Variants in SLC24A2 observed in about 807,000 individuals in gnomAD.
SLC24A2 encodes the protein sodium/potassium/calcium exchanger 2.
Under a neutral mutation model 62.0 loss-of-function variants are expected in SLC24A2, and 36 were observed. That is an observed-to-expected ratio of 0.58 (90% confidence interval 0.44 to 0.77). SLC24A2 has a LOEUF of 0.77. SLC24A2 is among the 30% of genes least tolerant of loss of function. The pLI is 0.00. For missense variants in SLC24A2, 846 were observed against 817.9 expected, an observed-to-expected ratio of 1.03 and a Z score of -0.42; for synonymous variants, 358 against 294.0, an observed-to-expected ratio of 1.22 and a Z score of -2.23.
At chr9:19,785,291 G>A (rs991337384) in intron 2 of SLC24A2, among the ~76,000 whole-genome samples, 1 of 152,156 alleles carries the variant, frequency 6.6e-6, no homozygotes, top group African/African-American at 2.4e-5. Flanking sequence ...GTTTATTATG[G>A]TGTGCAAAGT....
At chr9:19,936,370 C>T in the SLC24A2 span, among the ~76,000 whole-genome samples, 2 of 152,176 alleles carry the variant, frequency 1.3e-5, no homozygotes. Context: ...ACCTCCCAGG[C>T]TCAAGCCATC....
At chr9:19,712,040 T>A (rs1429260905) in intron 2 of SLC24A2, among the ~76,000 whole-genome samples, 2 of 152,122 alleles carry the variant, frequency 1.3e-5, no homozygotes, top group African/African-American at 4.8e-5. Context: ...CAGTTTTCTG[T>A]GCCCCTGAAC....
the SLC24A2 span, among the ~76,000 whole-genome samples, chr9:20,010,882 A>G: frequency 6.6e-6 from 1 of 150,570 alleles, no homozygotes; most frequent in Non-Finnish European, 1.5e-5. Flanking sequence ...TCCTTGTGAT[A>G]GTTTGCTGAG....
At chr9:19,836,928 G>A in the SLC24A2 span, among the ~76,000 whole-genome samples, 1 of 152,152 alleles carries the variant, frequency 6.6e-6, no homozygotes, top group Admixed American at 6.5e-5. Context: ...TTCAACATAT[G>A]AAAATCAATA....
intron 2 of SLC24A2, among the ~76,000 whole-genome samples, chr9:19,745,619 G>T (rs1821810806): frequency 6.6e-6 from 1 of 152,152 alleles, no homozygotes; most frequent in Non-Finnish European, 1.5e-5. Context: ...CTACCTGTGA[G>T]TGTACCTGTT....
chr9:20,055,280 T>A, the SLC24A2 span, among the ~76,000 whole-genome samples: 25 of 152,154 alleles, frequency 1.6e-4, no homozygotes, highest in Non-Finnish European at 2.9e-4. Flanking sequence ...CATTAGGTAA[T>A]TCACAAAATT....
chr9:19,700,995 T>C (rs76875716), intron 2 of SLC24A2, among the ~76,000 whole-genome samples: 2,896 of 152,320 alleles, frequency 0.019, 36 homozygotes, highest in Admixed American at 0.038. Context: ...GTTCATTCTG[T>C]ATACCCAAAC....
the SLC24A2 span, among the ~76,000 whole-genome samples, chr9:20,001,850 C>G: frequency 1.3e-5 from 2 of 152,300 alleles, no homozygotes; most frequent in South Asian, 4.1e-4. Context: ...TAGTAGAGTG[C>G]TATCTCCCAA....
At chr9:19,735,498 C>T (rs549677083) in intron 2 of SLC24A2, among the ~76,000 whole-genome samples, 2 of 152,090 alleles carry the variant, frequency 1.3e-5, no homozygotes, top group African/African-American at 4.8e-5. Context: ...CCAGCCATCC[C>T]ATTACTGGGT....
chr9:19,726,931 G>T (rs1333054927), intron 2 of SLC24A2, among the ~76,000 whole-genome samples: 1 of 152,130 alleles, frequency 6.6e-6, no homozygotes, highest in East Asian at 1.9e-4. Flanking sequence ...CAGAAAGATG[G>T]TATTTTATTT....
At chr9:19,894,135 G>C in the SLC24A2 span, among the ~76,000 whole-genome samples, 2 of 152,220 alleles carry the variant, frequency 1.3e-5, no homozygotes, top group African/African-American at 4.8e-5. Context: ...GAAAAGGGAT[G>C]TTGAAAGACA....
At chr9:19,701,477 C>A (rs1820354784) in intron 2 of SLC24A2, among the ~76,000 whole-genome samples, 1 of 152,164 alleles carries the variant, frequency 6.6e-6, no homozygotes, top group South Asian at 2.1e-4. Flanking sequence ...GAACTCTGAG[C>A]TGTGTTGTAT....
At chr9:20,016,024 A>G in the SLC24A2 span, among the ~76,000 whole-genome samples, 1 of 152,222 alleles carries the variant, frequency 6.6e-6, no homozygotes, top group Non-Finnish European at 1.5e-5. Context: ...TGTAATAACA[A>G]ATTTTAAAGT....
the SLC24A2 span, among the ~76,000 whole-genome samples, chr9:20,272,021 G>A: frequency 6.6e-6 from 1 of 152,054 alleles, no homozygotes; most frequent in Admixed American, 6.6e-5. Flanking sequence ...AAGAACTTGG[G>A]GCTACTTCTC....
rs973394069 is a variant in SLC24A2, at chr9:19,706,236, T to C, written c.930+79701A>G. 2.5e-4 allele frequency among the ~76,000 whole-genome samples: 38 copies of C among 151,912 alleles called. 1 individual carries two copies. The highest frequency in any genetic ancestry group is 4.6e-4 in the Admixed American group (7 of 15,262). On this transcript the variant is annotated intron_variant, in intron 2 of 10. Transcript: ENST00000341998. ...CTTTGTTGGTTTAAAGTCTGTTTTA[T>C]CAGAGACTAGGATTGCAACCCCTGC...
At chr9:19,544,900 T>C (rs1369999653) in intron 8 of SLC24A2, among the ~76,000 whole-genome samples, 1 of 152,188 alleles carries the variant, frequency 6.6e-6, no homozygotes, top group Non-Finnish European at 1.5e-5. Context: ...GATGATTATG[T>C]GTCTTGGGGT....
At chr9:19,520,784 G>A (rs1833159760) in intron 10 of SLC24A2, 110 bp downstream of exon 10, 2 of 933,972 alleles carry the variant, frequency 2.1e-6, no homozygotes, top group East Asian at 2.4e-5. Flanking sequence ...CTCTGTATTG[G>A]TATTGGTTAG....
At chr9:19,910,023 C>G in the SLC24A2 span, among the ~76,000 whole-genome samples, 1 of 152,094 alleles carries the variant, frequency 6.6e-6, no homozygotes, top group Non-Finnish European at 1.5e-5. Context: ...CAAGGGCAAG[C>G]ATTGTTCTAG....
At chr9:19,571,641 A>T (rs145694111) in intron 7 of SLC24A2, among the ~76,000 whole-genome samples, 1 of 152,318 alleles carries the variant, frequency 6.6e-6, no homozygotes, top group African/African-American at 2.4e-5. Context: ...CAGAATGTGA[A>T]TTTTAAGATG....
Sources: allele counts gnomAD v4.1 joint callset (sites outside exome capture counted in the v4.1 genomes callset), GRCh38; gene constraint gnomAD v4.1.1; transcripts MANE v1.5; gene names NCBI Gene and HGNC (gene_info 2026-07-23, HGNC 2026-07-21).